PRKN: variants seen among roughly 807,000 people sequenced by gnomAD.
PRKN encodes E3 ubiquitin-protein ligase parkin.
Under a neutral mutation model 59.5 loss-of-function variants are expected in PRKN, and 56 were observed. The observed-to-expected ratio is 0.94, with a 90% CI of 0.76 to 1.18. PRKN has a LOEUF of 1.18. Among genes scored for constraint, PRKN ranks in the 50% most tolerant of loss-of-function variants. PRKN has a pLI of 0.00. For missense variants in PRKN, 657 were observed against 596.4 expected (o/e 1.10, Z -1.06); for synonymous variants, 250 against 222.1 (o/e 1.13, Z -1.12).
intron 1 of PRKN, among the ~76,000 whole-genome samples, chr6:162,591,781 T>TA (rs1781316709): frequency 6.6e-6 from 1 of 151,880 alleles, no homozygotes; most frequent in African/African-American, 2.4e-5. Flanking sequence ...ACAGCAAGTG[T>TA]GAAATAAGTA....
rs1443153079 is a variant in PRKN at position 161,579,004 on chromosome 6, T to C, written c.872-9588A>G. On this transcript the variant is annotated intron_variant, in intron 7 of 11. Transcript: ENST00000366898. The surrounding 1 kb of genome is among the most constrained non-coding windows in gnomAD (Gnocchi z 4.2). ...CATCCAGCATCCCTCAGATCACAAA[T>C]TTAATTTGGCTGGTCAACACATGAG... 2.6e-5 allele frequency among the ~76,000 whole-genome samples: 4 copies of C among 152,326 alleles called. No homozygotes were observed. Among genetic ancestry groups the C allele is most frequent in the South Asian group, 4.1e-4 (2 of 4,820 alleles).
At chr6:162,283,472 A>G (rs1160663156) in intron 2 of PRKN, among the ~76,000 whole-genome samples, 1 of 152,170 alleles carries the variant, frequency 6.6e-6, no homozygotes, top group East Asian at 1.9e-4. Context: ...GAGAGGATTA[A>G]GGAAATGGTA....
chr6:161,927,263 C>T (rs913081315), intron 6 of PRKN, among the ~76,000 whole-genome samples: 2 of 152,114 alleles, frequency 1.3e-5, no homozygotes, highest in Non-Finnish European at 2.9e-5. Context: ...AAGAGGATTG[C>T]AAAGTGTCTG....
chr6:161,971,171 A>AT (rs1780791857), intron 6 of PRKN, among the ~76,000 whole-genome samples: 1 of 152,124 alleles, frequency 6.6e-6, no homozygotes, highest in Non-Finnish European at 1.5e-5. Flanking sequence ...TGACAATATT[A>AT]TTTTTCCAGC....
intron 5 of PRKN, among the ~76,000 whole-genome samples, chr6:162,016,177 A>T (rs1782928005): frequency 6.6e-6 from 1 of 152,328 alleles, no homozygotes; most frequent in Non-Finnish European, 1.5e-5. Context: ...ATCCATAGCA[A>T]AGGCGACACA....
rs1562317193 is a variant in PRKN at position 161,821,716 on chromosome 6, GTTCTTTTTTTTTTTTTTT to G, written c.735-35826_735-35809del. 2.2e-4 allele frequency among the ~76,000 whole-genome samples: 16 copies of G among 72,588 alleles called. No individual in the cohort carries two copies. The Admixed American group carries it at 2.9e-3, about 13-fold the overall frequency. 47.6% of individuals were successfully genotyped at this position (72,588 alleles called of 152,430 possible). ...ACTTTTGGAAAATATTTCCACTGGTGTTCTTTTTTTTTTTTTTTTTTTTTTTTTTTTTTTTTTTTTTTT... is the reference window on the plus strand; with the variant it reads ...ACTTTTGGAAAATATTTCCACTGGTGTTTTTTTTTTTTTTTTTTTTTTTTT... On this transcript the variant is annotated intron_variant, in intron 6 of 11. Coordinates refer to ENST00000366898, the MANE Select transcript of PRKN (RefSeq NM_004562.3).
In PRKN at chr6:161,356,769, T is replaced by C. The variant is rs949291812; in HGVS notation, c.1285+3319A>G. Among the ~76,000 whole-genome samples, 2 of 152,154 alleles carry C rather than the reference T, an allele frequency of 1.3e-5. No individual in the cohort carries two copies. Among genetic ancestry groups the C allele is most frequent in the African/African-American group, 4.8e-5 (2 of 41,428 alleles). Reference sequence around the variant, plus strand: ...GGTTTTCTAGGAGCAGCTAGCACTCTGCTTTGTGAAATTTGAGCTGTCCAT... The same window carrying C: ...GGTTTTCTAGGAGCAGCTAGCACTCCGCTTTGTGAAATTTGAGCTGTCCAT... On this transcript the variant is annotated intron_variant, in intron 11 of 11. Coordinates refer to ENST00000366898, the MANE Select transcript of PRKN (RefSeq NM_004562.3). The surrounding 1 kb of genome is among the most constrained non-coding windows in gnomAD (Gnocchi z 7.8).
chr6:162,472,456 A>ACTTTT (rs1791795999), intron 1 of PRKN, among the ~76,000 whole-genome samples: 1 of 105,670 alleles, frequency 9.5e-6, no homozygotes, highest in Admixed American at 9.4e-5. Context: ...CCAAACTCTA[A>ACTTTT]CTTTTATTTT....
chr6:162,476,528 T>C (rs1275352728), intron 1 of PRKN, among the ~76,000 whole-genome samples: 2 of 152,196 alleles, frequency 1.3e-5, no homozygotes, highest in African/African-American at 4.8e-5. Flanking sequence ...GTATAGGCTT[T>C]CTTAAGTGAA....
intron 7 of PRKN, among the ~76,000 whole-genome samples, chr6:161,594,300 C>T (rs1361342942): frequency 6.6e-6 from 1 of 152,210 alleles, no homozygotes; most frequent in Non-Finnish European, 1.5e-5. Flanking sequence ...TCTCCTCTTC[C>T]TCCCAGATCC....
At chr6:161,981,621 C>CA (rs1349038245) in intron 5 of PRKN, among the ~76,000 whole-genome samples, 1 of 152,158 alleles carries the variant, frequency 6.6e-6, no homozygotes, top group Non-Finnish European at 1.5e-5. Context: ...ATAGCCATGG[C>CA]AAAGCCTGTT....
chr6:162,246,686 T>G (rs1039983674), intron 3 of PRKN, among the ~76,000 whole-genome samples: 1 of 152,176 alleles, frequency 6.6e-6, no homozygotes, highest in Non-Finnish European at 1.5e-5. Context: ...AAGGTTTCTA[T>G]TTTACATTTT....
chr6:161,535,954 A>G (rs1313430623), intron 9 of PRKN, among the ~76,000 whole-genome samples: 1 of 28,078 alleles, frequency 3.6e-5, no homozygotes, highest in African/African-American at 1.8e-4. Context: ...GAGGAACAAA[A>G]AGATTTTTTT....
intron 2 of PRKN, among the ~76,000 whole-genome samples, chr6:162,311,190 A>T (rs1334003765): frequency 6.6e-6 from 1 of 152,176 alleles, no homozygotes; most frequent in Non-Finnish European, 1.5e-5. Flanking sequence ...GCTGATTTAT[A>T]ACTTTGAGAT....
chr6:162,051,240 C>CA (rs1309331034), intron 5 of PRKN, among the ~76,000 whole-genome samples: 3 of 152,128 alleles, frequency 2.0e-5, no homozygotes, highest in Non-Finnish European at 4.4e-5. Flanking sequence ...CCCACTCACT[C>CA]AGCACGGAGA....
intron 9 of PRKN, among the ~76,000 whole-genome samples, chr6:161,482,414 A>G (rs1216296731): frequency 6.6e-6 from 1 of 152,140 alleles, no homozygotes; most frequent in East Asian, 1.9e-4. Context: ...CCTTGTCCCT[A>G]CTCTTAGGTC....
intron 3 of PRKN, among the ~76,000 whole-genome samples, chr6:162,258,726 A>G (rs1779760294): frequency 6.6e-6 from 1 of 152,148 alleles, no homozygotes; most frequent in Admixed American, 6.5e-5. Flanking sequence ...ATAGGTCCTC[A>G]GGTGATTCTG....
At chr6:161,768,697 G>A (rs762903323) in intron 7 of PRKN, among the ~76,000 whole-genome samples, 15 of 152,094 alleles carry the variant, frequency 9.9e-5, no homozygotes, top group Non-Finnish European at 1.8e-4. Context: ...AGAATACCGT[G>A]ACCCCAATTT....
Position 162,098,744 on chromosome 6 carries a change from C to A in PRKN, c.535-44570G>T, listed in dbSNP as rs773179419. Among the ~76,000 whole-genome samples, 5 of 152,196 alleles carry A rather than the reference C, an allele frequency of 3.3e-5. 1 individual carries two copies. Among genetic ancestry groups the A allele is most frequent in the African/African-American group, 4.8e-5 (2 of 41,444 alleles). On this transcript the variant is annotated intron_variant, in intron 4 of 11. Transcript: ENST00000366898. ...GATTCGGAGTGATTGGAAGACATTT[C>A]TTCCATGTACTTGTGAGAATTAAGG...
Sources: gnomAD v4.1 joint callset for allele counts (sites outside exome capture counted in the v4.1 genomes callset) on GRCh38, gnomAD v4.1.1 for gene constraint, Gnocchi (gnomAD v3.1) non-coding constraint, MANE v1.5 for transcripts, NCBI Gene and HGNC (gene_info 2026-07-23, HGNC 2026-07-21) for gene names.